Variants in RBPJ observed in about 807,000 individuals in gnomAD.
RBPJ encodes recombining binding protein suppressor of hairless.
A neutral mutation model predicts 67.8 loss-of-function variants in RBPJ; 9 were observed. The ratio of observed to expected loss-of-function variants is 0.13; its 90% CI spans 0.08 to 0.23. The LOEUF is 0.23. RBPJ is among the 10% of genes least tolerant of loss of function. The pLI, the probability that RBPJ is intolerant of heterozygous loss-of-function variation, is 1.00. For missense variants in RBPJ, 305 were observed against 595.6 expected (o/e 0.51, Z 5.08); for synonymous variants, 198 against 203.3 (o/e 0.97, Z 0.22).
intron 1 of RBPJ, among the ~76,000 whole-genome samples, chr4:26,270,386 AAAG>A (rs1560237757): frequency 2.0e-4 from 13 of 63,600 alleles, no homozygotes; most frequent in East Asian, 3.5e-4. Context: ...AGAAAGAAAG[AAAG>A]AAAGAAAGAA....
chr4:26,352,638 G>A (rs973586014), intron 1 of RBPJ, among the ~76,000 whole-genome samples: 4 of 152,212 alleles, frequency 2.6e-5, no homozygotes, highest in African/African-American at 9.6e-5. Context: ...GGGAGGCGGA[G>A]GTTGCAGTGA....
chr4:26,184,957 C>T (rs1717178924), intron 1 of RBPJ, among the ~76,000 whole-genome samples: 1 of 152,082 alleles, frequency 6.6e-6, no homozygotes, highest in African/African-American at 2.4e-5. Context: ...GCCTGGCCAA[C>T]ATGGCAAAGC....
At position 26,334,094 on chromosome 4, in the gene RBPJ, G is replaced by A. The variant is rs61662073; in HGVS notation, c.20+13046G>A. On this transcript the variant is annotated intron_variant, in intron 1 of 10. Transcript: ENST00000355476. ...CTCGCTCCGTCGCCCAGGCTGGAGC[G>A]CAGTGATGCTATCCTGGCTCACTGC... Among the ~76,000 whole-genome samples the A allele has an allele frequency of 3.3e-3, 500 of 151,096 alleles. 1 individual carries two copies. Among genetic ancestry groups the A allele is most frequent in the African/African-American group, 0.012 (481 of 41,068 alleles).
At chr4:26,337,827 C>G (rs1265353239) in intron 1 of RBPJ, among the ~76,000 whole-genome samples, 1 of 151,864 alleles carries the variant, frequency 6.6e-6, no homozygotes, top group African/African-American at 2.4e-5. Context: ...GCTGAGACCA[C>G]AAGCATGTGC....
intron 1 of RBPJ, among the ~76,000 whole-genome samples, chr4:26,385,691 T>G (rs1211028112): frequency 6.6e-6 from 1 of 152,216 alleles, no homozygotes; most frequent in Non-Finnish European, 1.5e-5. Flanking sequence ...TTAATTACTT[T>G]GTGACATTGG....
chr4:26,316,830 T>TGG (rs1722666948), upstream of RBPJ, among the ~76,000 whole-genome samples: 1 of 132,542 alleles, frequency 7.5e-6, no homozygotes, highest in Non-Finnish European at 1.6e-5. Flanking sequence ...CAGACGACTT[T>TGG]TTTTTTTTTT....
chr4:26,396,537 A>C (rs925117157), intron 2 of RBPJ, among the ~76,000 whole-genome samples: 3 of 152,246 alleles, frequency 2.0e-5, no homozygotes, highest in African/African-American at 7.2e-5. Flanking sequence ...TTCTCTACAT[A>C]AGAGGTAAAG....
the RBPJ span, among the ~76,000 whole-genome samples, chr4:26,143,904 C>A: frequency 2.0e-5 from 3 of 151,926 alleles, no homozygotes; most frequent in African/African-American, 4.8e-5. Flanking sequence ...CTCCAGCCTG[C>A]GCATCAAAGC....
At position 26,433,965 on chromosome 4, in the gene RBPJ, T is replaced by C. The variant is rs1736459676; in HGVS notation, c.*2958T>C. On this transcript the variant is annotated 3_prime_UTR_variant, in exon 11 of 11. Transcript: ENST00000355476. Reference sequence around the variant, plus strand: ...AATTCTGTTTTAGAAATGTATCTTATGCTCTCATGACTATGCAGTTTCTAA... The same window carrying C: ...AATTCTGTTTTAGAAATGTATCTTACGCTCTCATGACTATGCAGTTTCTAA... 2 of 152,232 alleles carry C rather than the reference T, an allele frequency of 1.3e-5. No individual in the cohort carries two copies. Among genetic ancestry groups the C allele is most frequent in the Admixed American group, 6.5e-5 (1 of 15,288 alleles). 9.4% of individuals were successfully genotyped at this position (152,232 alleles called of 1,614,324 possible).
chr4:26,249,733 A>G (rs1720039585), intron 1 of RBPJ, among the ~76,000 whole-genome samples: 1 of 152,030 alleles, frequency 6.6e-6, no homozygotes. Flanking sequence ...TTAAGTGTAC[A>G]ACTCACATTG....
chr4:26,163,389 A>C (rs1041588211), upstream of RBPJ: 17 of 151,834 alleles, frequency 1.1e-4, no homozygotes, highest in African/African-American at 4.1e-4. Flanking sequence ...CCCACACACA[A>C]AAAAAAAAAA....
intron 1 of RBPJ, among the ~76,000 whole-genome samples, chr4:26,232,466 C>T (rs1560221223): frequency 7.3e-6 from 1 of 137,386 alleles, no homozygotes; most frequent in Admixed American, 6.9e-5. Context: ...CAATCCACCT[C>T]GGCATCCCAA....
At chr4:26,389,855 A>G (rs1731322729) in intron 2 of RBPJ, among the ~76,000 whole-genome samples, 1 of 152,130 alleles carries the variant, frequency 6.6e-6, no homozygotes, top group Admixed American at 6.5e-5. Context: ...GTTGAATTCT[A>G]CTGTATATTT....
At chr4:26,192,165 G>A (rs1717583322) in intron 1 of RBPJ, among the ~76,000 whole-genome samples, 1 of 152,002 alleles carries the variant, frequency 6.6e-6, no homozygotes, top group South Asian at 2.1e-4. Flanking sequence ...GCGCCACCAC[G>A]CCCGGCTACT....
chr4:26,340,602 G>A (rs1416082848), intron 1 of RBPJ, among the ~76,000 whole-genome samples: 2 of 152,138 alleles, frequency 1.3e-5, no homozygotes, highest in East Asian at 3.8e-4. Flanking sequence ...GCTCATGCCT[G>A]TAATCCCAGC....
chr4:26,333,308 G>T (rs190907522), intron 1 of RBPJ, among the ~76,000 whole-genome samples: 1 of 152,246 alleles, frequency 6.6e-6, no homozygotes, highest in East Asian at 1.9e-4. Context: ...CAGTAGTTTT[G>T]CAAACATAAT....
At chr4:26,117,971 A>G in the RBPJ span, among the ~76,000 whole-genome samples, 1 of 152,080 alleles carries the variant, frequency 6.6e-6, no homozygotes, top group Non-Finnish European at 1.5e-5. Flanking sequence ...GTGTATATAT[A>G]TATATTTGTG....
At chr4:26,311,302 C>T (rs1172404307) in intron 1 of RBPJ, among the ~76,000 whole-genome samples, 1 of 151,818 alleles carries the variant, frequency 6.6e-6, no homozygotes, top group Admixed American at 6.6e-5. Flanking sequence ...TTTGGGAGGT[C>T]GAGGTGGGAG....
At chr4:26,226,146 C>CAA (rs35440890) in intron 1 of RBPJ, among the ~76,000 whole-genome samples, 78 of 80,044 alleles carry the variant, frequency 9.7e-4, no homozygotes, top group Middle Eastern at 6.1e-3. Flanking sequence ...GAGACTCTGT[C>CAA]AAAAAAAAAA....
Sources: allele counts gnomAD v4.1 joint callset (sites outside exome capture counted in the v4.1 genomes callset), GRCh38; gene constraint gnomAD v4.1.1; transcripts MANE v1.5; gene names NCBI Gene and HGNC (gene_info 2026-07-23, HGNC 2026-07-21).